The following COLEC11 variants were observed in gnomAD, a reference collection of about 807,000 sequenced individuals.
COLEC11 encodes the protein collectin subfamily member 11.
COLEC11 carries 20 observed loss-of-function variants against 27.3 expected under a neutral mutation model. That is an observed-to-expected ratio of 0.73 (90% CI 0.51 to 1.06). COLEC11 has a LOEUF of 1.06. Ranked by LOEUF, COLEC11 falls within the 50% of genes least tolerant of loss-of-function variation. The pLI is 0.00. For missense variants in COLEC11, 310 were observed against 383.0 expected (o/e 0.81, Z 1.59); for synonymous variants, 163 against 154.7 (o/e 1.05, Z -0.40).
intron 1 of COLEC11, among the ~76,000 whole-genome samples, chr2:3,598,378 G>T (rs1662004423): frequency 6.6e-6 from 1 of 152,262 alleles, no homozygotes; most frequent in Non-Finnish European, 1.5e-5. Context: ...GAGAAGAGCA[G>T]AAGGCTCTAT....
At chr2:3,606,334 C>T in intron 2 of COLEC11, 1 of 1,132,122 alleles carries the variant, frequency 8.8e-7, no homozygotes, top group South Asian at 1.4e-5. Context: ...GAGGGTCCTT[C>T]CCAGCTGTCC....
At chr2:3,603,626 A>C in intron 1 of COLEC11, 2 of 1,550,884 alleles carry the variant, frequency 1.3e-6, no homozygotes, top group Non-Finnish European at 1.7e-6. Flanking sequence ...CTTGTTTTCC[A>C]AGTTGTAACG....
At chr2:3,608,173 T>A (rs1270282158) in intron 2 of COLEC11, among the ~76,000 whole-genome samples, 1 of 152,232 alleles carries the variant, frequency 6.6e-6, no homozygotes, top group Non-Finnish European at 1.5e-5. Context: ...AAAAGCTTTT[T>A]GTTCGTAGAT....
intron 3 of COLEC11, among the ~76,000 whole-genome samples, chr2:3,626,622 T>G (rs933689451): frequency 1.3e-5 from 2 of 152,238 alleles, no homozygotes; most frequent in Non-Finnish European, 2.9e-5. Context: ...TGAGCATGAC[T>G]TCCGGCCTCT....
chr2:3,636,347 C>T (rs569916449), intron 3 of COLEC11, among the ~76,000 whole-genome samples: 3 of 152,224 alleles, frequency 2.0e-5, no homozygotes, highest in South Asian at 4.1e-4. Context: ...CCCAGCTACT[C>T]GGGAGGCTGA....
At chr2:3,604,585 C>A in intron 2 of COLEC11, 115 bp downstream of exon 2, 1 of 1,157,554 alleles carries the variant, frequency 8.6e-7, no homozygotes. Context: ...AATCTGCTTA[C>A]CCCATTGGGT....
chr2:3,597,729 T>C (rs1196306632), intron 1 of COLEC11, among the ~76,000 whole-genome samples: 1 of 149,414 alleles, frequency 6.7e-6, no homozygotes, highest in African/African-American at 2.5e-5. Context: ...AGAAGTGAGG[T>C]TCGACTTGCG....
intron 3 of COLEC11, chr2:3,617,480 C>G: frequency 7.2e-7 from 1 of 1,384,798 alleles, no homozygotes; most frequent in Admixed American, 1.7e-5. Flanking sequence ...AGCTAAACAG[C>G]TAAAAGAAGT....
In COLEC11 at chr2:3,613,363, C is replaced by T. The variant is rs369069794; in HGVS notation, c.183C>T (p.Val61=). ...GCGCCCCCGGACGGCCTGGAAGAGTCGGCCCCACGGGAGAAAAAGGTACCT... is the reference window on the plus strand; with the variant it reads ...GCGCCCCCGGACGGCCTGGAAGAGTTGGCCCCACGGGAGAAAAAGGTACCT... ...DKGAPGRPGR[V]GPTGEKGDMG... Residue 61 remains valine, a synonymous_variant, in exon 3 of 7, where the codon GTC becomes GTT. Coordinates refer to ENST00000349077, the MANE Select transcript of COLEC11 (RefSeq NM_024027.5). 6 of 1,603,954 alleles carry T rather than the reference C, an allele frequency of 3.7e-6. No individual in the cohort carries two copies. The highest frequency in any genetic ancestry group is 5.1e-6 in the Non-Finnish European group (6 of 1,175,440).
chr2:3,644,170 G>A lies in COLEC11; in HGVS notation c.*52G>A. 6.3e-7 allele frequency: 1 copy of A among 1,598,152 alleles called. No individual in the cohort carries two copies. The highest frequency in any genetic ancestry group is 1.7e-5 in the Admixed American group (1 of 60,022). ...GGCCCCACATGTCCCTGCAGGGTTG[G>A]CAGGGACAGAGCCCAGACCATGGTG... On this transcript the variant is annotated 3_prime_UTR_variant, in exon 7 of 7. Transcript: ENST00000349077.
At chr2:3,618,396 G>GT (rs141654451) in intron 3 of COLEC11, among the ~76,000 whole-genome samples, 3,614 of 152,178 alleles carry the variant, frequency 0.024, 149 homozygotes, top group African/African-American at 0.08. Flanking sequence ...ATTCAGTTTT[G>GT]TTTTTTTGCA....
At position 3,639,045 on chromosome 2, in the gene COLEC11, A is replaced by G. The variant is rs532191737; in HGVS notation, c.275-1233A>G. ...TTTGCCTATTCTAGATATTTCACATATGTGGAATAACAATGTTTGTCCTTC... is the reference window on the plus strand; with the variant it reads ...TTTGCCTATTCTAGATATTTCACATGTGTGGAATAACAATGTTTGTCCTTC... On this transcript the variant is annotated intron_variant, in intron 4 of 6. Coordinates refer to ENST00000349077, the MANE Select transcript of COLEC11 (RefSeq NM_024027.5). Among the ~76,000 whole-genome samples the G allele has an allele frequency of 8.5e-4, 129 of 152,258 alleles. 1 individual carries two copies. The highest frequency in any genetic ancestry group is 2.7e-3 in the African/African-American group (113 of 41,540).
intron 2 of COLEC11, among the ~76,000 whole-genome samples, chr2:3,612,431 G>C (rs1377058059): frequency 1.3e-5 from 2 of 152,198 alleles, no homozygotes; most frequent in Admixed American, 1.3e-4. Context: ...CAGGTGAGAA[G>C]GCGGACCCTG....
chr2:3,615,824 CCCGGACGCGGCGG>C lies in COLEC11; in HGVS notation c.202+2444_202+2456del, dbSNP rs1243680225. On this transcript the variant is annotated intron_variant, in intron 3 of 6. Transcript: ENST00000349077. The stretch of plus-strand genomic sequence containing the variant: ...GGCAGGGGCTGCCCCCCACCTCCCT[CCCGGACGCGGCGG>C]CTGGCCGGGCAGGGGCTGCCCCCCA... Among the ~76,000 whole-genome samples the C allele has an allele frequency of 1.3e-3, 36 of 28,006 alleles. 1 individual carries two copies. The highest frequency in any genetic ancestry group is 2.9e-3 in the East Asian group (2 of 678). The allele number at this position is 28,006 out of a possible 152,430, so 18.4% of individuals were successfully genotyped here.
chr2:3,612,236 C>A (rs11123648), intron 2 of COLEC11, among the ~76,000 whole-genome samples: 99,211 of 147,978 alleles, frequency 0.67, 33,481 homozygotes, highest in South Asian at 0.81. Flanking sequence ...ACACATGCAC[C>A]CACGCACCCA....
At chr2:3,625,625 CTTTT>C (rs60222284) in intron 3 of COLEC11, among the ~76,000 whole-genome samples, 7 of 91,460 alleles carry the variant, frequency 7.7e-5, no homozygotes, top group South Asian at 9.2e-4. Flanking sequence ...TTCTTTTTTA[CTTTT>C]TTTTTTTTTT....
intron 3 of COLEC11, among the ~76,000 whole-genome samples, chr2:3,619,901 C>T (rs1266110002): frequency 6.6e-6 from 1 of 152,220 alleles, no homozygotes; most frequent in African/African-American, 2.4e-5. Flanking sequence ...GCTGGGATTA[C>T]AAGCATGAGC....
At chr2:3,603,890 C>T (rs1000891903) in intron 1 of COLEC11, 42 of 590,344 alleles carry the variant, frequency 7.1e-5, no homozygotes, top group African/African-American at 4.7e-4. Context: ...GCTCCTCAGG[C>T]GCCTTGGCTG....
rs1663652362 is a variant in COLEC11, at chr2:3,615,839, TGGCCGGGCAGG to T, written c.202+2461_202+2471del. Among the ~76,000 whole-genome samples the T allele has an allele frequency of 1.9e-4, 7 of 37,024 alleles. No individual in the cohort carries two copies. In the East Asian group the frequency reaches 7.0e-3, roughly 37 times the overall value. The allele number at this position is 37,024 out of a possible 152,430, so 24.3% of individuals were successfully genotyped here. On this transcript the variant is annotated intron_variant, in intron 3 of 6. Transcript: ENST00000349077. ...CCACCTCCCTCCCGGACGCGGCGGC[TGGCCGGGCAGG>T]GGCTGCCCCCCACCTCCCTCCCGGA...
Sources: allele counts gnomAD v4.1 joint callset (sites outside exome capture counted in the v4.1 genomes callset), GRCh38; gene constraint gnomAD v4.1.1; transcripts MANE v1.5; gene names NCBI Gene and HGNC (gene_info 2026-07-23, HGNC 2026-07-21).